Variants in SEPTIN14 observed in about 807,000 individuals in gnomAD.
SEPTIN14 encodes septin 14, also known as septin-14.
In SEPTIN14, 40 loss-of-function variants were observed where a neutral mutation model predicts 53.6. The observed-to-expected ratio is 0.75, with a 90% CI of 0.58 to 0.97. The LOEUF (loss-of-function observed/expected upper bound fraction) is 0.97. SEPTIN14 is among the 50% of genes least tolerant of loss of function. The pLI, the probability that SEPTIN14 is intolerant of heterozygous loss-of-function variation, is 0.00. For synonymous variants in SEPTIN14, 138 were observed against 166.8 expected (o/e 0.83, Z 1.33); for missense variants, 471 against 508.2 (o/e 0.93, Z 0.70).
chr7:55,824,593 G>A (rs1467571960), intron 6 of SEPTIN14, among the ~76,000 whole-genome samples: 4 of 149,588 alleles, frequency 2.7e-5, no homozygotes, highest in Admixed American at 6.7e-5. Flanking sequence ...GACTAGCCTG[G>A]CCAACATGGT....
chr7:55,861,914 CAG>C, intron 2 of SEPTIN14, 27 bp downstream of exon 2: 4 of 1,395,106 alleles, frequency 2.9e-6, no homozygotes, highest in Non-Finnish European at 2.9e-6. Context: ...GTACAAAATG[CAG>C]AGTTATATTT....
chr7:55,810,219 CTAT>C (rs1187295231), intron 7 of SEPTIN14, among the ~76,000 whole-genome samples: 8 of 121,154 alleles, frequency 6.6e-5, no homozygotes, highest in African/African-American at 2.5e-4. Context: ...TTTAGAGATG[CTAT>C]TTTTTTCATA....
At chr7:55,833,594 G>C (rs988792100) in intron 6 of SEPTIN14, among the ~76,000 whole-genome samples, 2 of 151,966 alleles carry the variant, frequency 1.3e-5, no homozygotes, top group African/African-American at 4.8e-5. Flanking sequence ...TGTAATCCCA[G>C]CTACTTGGGA....
chr7:55,854,029 G>A (rs1246846920), intron 2 of SEPTIN14, among the ~76,000 whole-genome samples: 1 of 152,064 alleles, frequency 6.6e-6, no homozygotes, highest in East Asian at 1.9e-4. Flanking sequence ...GCTGAGGCGG[G>A]AGAATCACTT....
At chr7:55,835,185 TTTTATTTATTTA>T (rs560812909) in intron 5 of SEPTIN14, among the ~76,000 whole-genome samples, 1 of 151,510 alleles carries the variant, frequency 6.6e-6, no homozygotes, top group Non-Finnish European at 1.5e-5. Flanking sequence ...ATGTAAATTA[TTTTATTTATTTA>T]TTTATTTATT....
chr7:55,812,386 C>A (rs1788718347), intron 7 of SEPTIN14, among the ~76,000 whole-genome samples: 2 of 152,212 alleles, frequency 1.3e-5, no homozygotes, highest in South Asian at 4.2e-4. Context: ...AAATGTCAAT[C>A]TCACAGAAAT....
intron 2 of SEPTIN14, among the ~76,000 whole-genome samples, chr7:55,846,907 G>A (rs1274423542): frequency 6.6e-6 from 1 of 152,146 alleles, no homozygotes; most frequent in Non-Finnish European, 1.5e-5. Context: ...AGAGACAGGG[G>A]ACAGGCACGG....
In SEPTIN14 at chr7:55,850,455, T is replaced by TGA. The variant is rs1246913772; in HGVS notation, c.55-3820_55-3819dup. 7.9e-5 allele frequency among the ~76,000 whole-genome samples: 12 copies of TGA among 151,854 alleles called. No individual in the cohort carries two copies. In the East Asian group the frequency reaches 9.7e-4, roughly 12 times the overall value. ...ATGCACTCCAGCCTGGGCAACAGAGTGAGACTCCATCTCAAAAAAACAAAC... is the reference window on the plus strand; with the variant it reads ...ATGCACTCCAGCCTGGGCAACAGAGTGAGAGACTCCATCTCAAAAAAACAAAC... On this transcript the variant is annotated intron_variant, in intron 2 of 9. Coordinates refer to ENST00000388975, the MANE Select transcript of SEPTIN14 (RefSeq NM_207366.3).
At chr7:55,834,264 T>C (rs907734601) in intron 6 of SEPTIN14, among the ~76,000 whole-genome samples, 161 bp downstream of exon 6, 9 of 152,182 alleles carry the variant, frequency 5.9e-5, no homozygotes, top group Non-Finnish European at 1.2e-4. Context: ...CCAATATCCT[T>C]GAGGAACATG....
chr7:55,810,475 C>CTTTT (rs145847718), intron 7 of SEPTIN14, among the ~76,000 whole-genome samples: 2 of 124,882 alleles, frequency 1.6e-5, no homozygotes, highest in Non-Finnish European at 3.3e-5. Flanking sequence ...TTTTGAAGTT[C>CTTTT]TTTTTTTTTT....
At chr7:55,859,087 G>T (rs1423188444) in intron 2 of SEPTIN14, among the ~76,000 whole-genome samples, 4 of 151,224 alleles carry the variant, frequency 2.6e-5, no homozygotes, top group Non-Finnish European at 2.9e-5. Context: ...GGAGGTGGAG[G>T]TTGCAGTGAG....
intron 8 of SEPTIN14, 111 bp downstream of exon 8, chr7:55,806,979 T>C: frequency 2.6e-6 from 2 of 768,936 alleles, no homozygotes; most frequent in Middle Eastern, 4.8e-4. Context: ...TTCTTTATGA[T>C]GGCTCAAGAT....
At chr7:55,799,884 T>C (rs1191667210) in intron 9 of SEPTIN14, among the ~76,000 whole-genome samples, 1 of 151,336 alleles carries the variant, frequency 6.6e-6, no homozygotes, top group East Asian at 2.0e-4. Flanking sequence ...ATAGACCCAA[T>C]AGACCAAATA....
intron 2 of SEPTIN14, among the ~76,000 whole-genome samples, chr7:55,847,413 T>C (rs568988874): frequency 6.6e-6 from 1 of 152,230 alleles, no homozygotes; most frequent in African/African-American, 2.4e-5. Flanking sequence ...TGAGGCTATG[T>C]CCCAAGAAAC....
chr7:55,809,726 A>C (rs137965581), intron 7 of SEPTIN14, among the ~76,000 whole-genome samples: 2 of 150,626 alleles, frequency 1.3e-5, no homozygotes, highest in African/African-American at 2.4e-5. Flanking sequence ...CAATTTATCT[A>C]TATAACAAAT....
intron 2 of SEPTIN14, among the ~76,000 whole-genome samples, chr7:55,857,106 C>T (rs1344578206): frequency 1.3e-5 from 2 of 151,706 alleles, no homozygotes; most frequent in East Asian, 2.0e-4. Flanking sequence ...GGCGTGGTGG[C>T]TTACACCTGT....
At chr7:55,819,705 A>C (rs2115995509) in intron 6 of SEPTIN14, among the ~76,000 whole-genome samples, 1 of 151,744 alleles carries the variant, frequency 6.6e-6, no homozygotes, top group South Asian at 2.1e-4. Flanking sequence ...TGTCAGCATA[A>C]GTCTCAGGCT....
chr7:55,826,941 G>C (rs1364418226), intron 6 of SEPTIN14, among the ~76,000 whole-genome samples: 1 of 152,160 alleles, frequency 6.6e-6, no homozygotes, highest in Non-Finnish European at 1.5e-5. Context: ...GCAGTTGCCT[G>C]AGCATTCTTC....
At chr7:55,860,506 A>G (rs1211663640) in intron 2 of SEPTIN14, among the ~76,000 whole-genome samples, 1 of 152,184 alleles carries the variant, frequency 6.6e-6, no homozygotes, top group Non-Finnish European at 1.5e-5. Context: ...AATGTATTGT[A>G]TATTTCAAAA....
Sources: allele counts gnomAD v4.1 joint callset (sites outside exome capture counted in the v4.1 genomes callset), GRCh38; gene constraint gnomAD v4.1.1; transcripts MANE v1.5; gene names NCBI Gene and HGNC (gene_info 2026-07-23, HGNC 2026-07-21).